BAZ2B: variants seen among roughly 807,000 people sequenced by gnomAD.
The protein encoded by BAZ2B is bromodomain adjacent to zinc finger domain protein 2B.
In BAZ2B, 91 loss-of-function variants were observed where a neutral mutation model predicts 246.0. The observed-to-expected ratio is 0.37, with a 90% CI of 0.31 to 0.44. The LOEUF (loss-of-function observed/expected upper bound fraction) is 0.44, where lower values mean the gene tolerates loss of function less well. BAZ2B is among the 20% of genes least tolerant of loss of function. BAZ2B has a pLI of 1.00. For synonymous variants in BAZ2B, 855 were observed against 860.0 expected (o/e 0.99, Z 0.10); for missense variants, 2,332 against 2,533.7 (o/e 0.92, Z 1.71).
At chr2:159,579,492 C>T (rs906752423) in intron 1 of BAZ2B, among the ~76,000 whole-genome samples, 11 of 152,216 alleles carry the variant, frequency 7.2e-5, no homozygotes, top group African/African-American at 1.9e-4. Flanking sequence ...ATTCTACCAG[C>T]GGTACAAAGA....
intron 1 of BAZ2B, among the ~76,000 whole-genome samples, chr2:159,596,516 CATTT>C (rs1204781594): frequency 3.9e-5 from 6 of 152,070 alleles, no homozygotes; most frequent in Non-Finnish European, 1.5e-5. Flanking sequence ...GTTTTTTCTC[CATTT>C]ATTTATTTTT....
At chr2:159,518,247 G>A (rs1379629118) in intron 2 of BAZ2B, among the ~76,000 whole-genome samples, 1 of 152,198 alleles carries the variant, frequency 6.6e-6, no homozygotes, top group East Asian at 1.9e-4. Context: ...TTTTTATCAA[G>A]AGGCAGTAAC....
chr2:159,447,496 A>T (rs1260030571), intron 5 of BAZ2B, among the ~76,000 whole-genome samples: 1 of 152,246 alleles, frequency 6.6e-6, no homozygotes, highest in Non-Finnish European at 1.5e-5. Context: ...ATAATTTTCA[A>T]ATTATATTCT....
intron 2 of BAZ2B, among the ~76,000 whole-genome samples, chr2:159,496,298 C>T (rs2081126942): frequency 6.8e-6 from 1 of 146,450 alleles, no homozygotes; most frequent in African/African-American, 2.5e-5. Context: ...ATCCCTTGAA[C>T]CCAGGAGGCG....
At chr2:159,609,285 G>C (rs151138203) in intron 1 of BAZ2B, among the ~76,000 whole-genome samples, 26 of 152,178 alleles carry the variant, frequency 1.7e-4, no homozygotes, top group African/African-American at 5.8e-4. Flanking sequence ...CTCCTTATTA[G>C]ATTTCTTCTA....
At chr2:159,490,862 C>T (rs2080378373) in intron 2 of BAZ2B, among the ~76,000 whole-genome samples, 1 of 152,038 alleles carries the variant, frequency 6.6e-6, no homozygotes, top group Non-Finnish European at 1.5e-5. Context: ...AGCATGCATC[C>T]CTGGTCAGCT....
intron 1 of BAZ2B, among the ~76,000 whole-genome samples, chr2:159,574,008 G>C (rs546997668): frequency 6.6e-6 from 1 of 152,172 alleles, no homozygotes; most frequent in African/African-American, 2.4e-5. Flanking sequence ...GGCTGAGGGG[G>C]AGGATCCCTA....
At chr2:159,345,264 G>A (rs1304284724) in intron 31 of BAZ2B, among the ~76,000 whole-genome samples, 2 of 151,530 alleles carry the variant, frequency 1.3e-5, no homozygotes, top group African/African-American at 2.4e-5. Context: ...ATAAGTTCTC[G>A]TGCTCTATAC....
At chr2:159,506,941 G>A (rs760611336) in intron 2 of BAZ2B, among the ~76,000 whole-genome samples, 3 of 152,152 alleles carry the variant, frequency 2.0e-5, no homozygotes, top group Non-Finnish European at 4.4e-5. Context: ...CTGAAAACTG[G>A]CACTACTGGT....
At chr2:159,577,824 C>A (rs913740464) in intron 1 of BAZ2B, among the ~76,000 whole-genome samples, 3 of 152,142 alleles carry the variant, frequency 2.0e-5, no homozygotes, top group African/African-American at 7.2e-5. Flanking sequence ...AAGAAACTTA[C>A]TAAACACACT....
At chr2:159,560,536 A>C (rs1034307308) in intron 1 of BAZ2B, among the ~76,000 whole-genome samples, 1 of 151,364 alleles carries the variant, frequency 6.6e-6, no homozygotes, top group African/African-American at 2.4e-5. Flanking sequence ...TCAACTGTAC[A>C]TATTTTGGCA....
intron 13 of BAZ2B, among the ~76,000 whole-genome samples, chr2:159,414,262 G>A (rs1271202853): frequency 6.6e-6 from 1 of 152,108 alleles, no homozygotes. Context: ...GTTACCAGAG[G>A]CTGGGAAGGA....
intron 33 of BAZ2B, among the ~76,000 whole-genome samples, 166 bp downstream of exon 33, chr2:159,336,776 T>G (rs1254579099): frequency 6.6e-6 from 1 of 152,172 alleles, no homozygotes; most frequent in Admixed American, 6.6e-5. Context: ...GAAAGGTTCC[T>G]TCAGTAAGGA....
intron 1 of BAZ2B, among the ~76,000 whole-genome samples, chr2:159,604,159 T>TAC (rs1233834015): frequency 2.0e-5 from 3 of 152,236 alleles, no homozygotes. Context: ...CAGCTGCATA[T>TAC]ACCCTTTTAA....
At chr2:159,645,784 T>C in the BAZ2B span, among the ~76,000 whole-genome samples, 2 of 152,062 alleles carry the variant, frequency 1.3e-5, no homozygotes, top group African/African-American at 2.4e-5. Flanking sequence ...GTAGGTTCCA[T>C]GATGCCCCCT....
At chr2:159,453,572 T>C (rs750152397) in intron 4 of BAZ2B, 41 bp downstream of exon 4, 4 of 1,532,492 alleles carry the variant, frequency 2.6e-6, no homozygotes. Flanking sequence ...ATTCTCAAGC[T>C]TTCCTCCTTC....
At chr2:159,542,659 G>C (rs953130693) in intron 2 of BAZ2B, among the ~76,000 whole-genome samples, 4 of 151,370 alleles carry the variant, frequency 2.6e-5, no homozygotes, top group Non-Finnish European at 5.9e-5. Flanking sequence ...TAAAAATAAA[G>C]AAGTATGAGT....
chr2:159,415,374 G>A (rs943182895), intron 13 of BAZ2B, among the ~76,000 whole-genome samples: 2 of 150,900 alleles, frequency 1.3e-5, no homozygotes, highest in African/African-American at 4.9e-5. Flanking sequence ...GAACCCAGGG[G>A]GTGGAGGTTG....
In BAZ2B at chr2:159,325,631, T is replaced by C. The variant is rs59547500; in HGVS notation, c.6209+22A>G. 6,872 of 1,577,236 alleles carry C rather than the reference T, an allele frequency of 4.4e-3. 276 individuals carry two copies. In the African/African-American group the frequency reaches 0.084, roughly 19 times the overall value. ...AAAATGGGGCATTATAAATATACAG[T>C]GCATGAAAACGGAAATAATACCTGC... On this transcript the variant is annotated intron_variant, in intron 35 of 36. Transcript: ENST00000392783.
Sources: gnomAD v4.1 joint callset for allele counts (sites outside exome capture counted in the v4.1 genomes callset) on GRCh38, gnomAD v4.1.1 for gene constraint, MANE v1.5 for transcripts, NCBI Gene and HGNC (gene_info 2026-07-23, HGNC 2026-07-21) for gene names.